The following JAK1 variants were observed in gnomAD, a reference collection of about 807,000 sequenced individuals.
The protein encoded by JAK1 is Janus kinase 1.
In JAK1, 16 loss-of-function variants were observed where a neutral mutation model predicts 136.6. The observed-to-expected ratio is 0.12, with a 90% confidence interval of 0.08 to 0.18. JAK1 has a LOEUF of 0.18. Among genes scored for constraint, JAK1 ranks in the 10% least tolerant of loss-of-function variants. The probability of loss-of-function intolerance (pLI) is 1.00; values close to 1 mark genes in which losing one functional copy is unlikely to be tolerated. For synonymous variants in JAK1, 492 were observed against 519.5 expected (o/e 0.95, Z 0.72); for missense variants, 859 against 1,450.1 (o/e 0.59, Z 6.62).
chr1:64,841,230 A>C lies in JAK1; in HGVS notation c.2649+15T>G. 1 of 1,586,004 alleles carries C rather than the reference A, an allele frequency of 6.3e-7. No individual in the cohort carries two copies. The highest frequency in any genetic ancestry group is 1.3e-5 in the African/African-American group (1 of 74,498). On this transcript the variant is annotated intron_variant, in intron 19 of 24. Coordinates refer to ENST00000342505, the MANE Select transcript of JAK1 (RefSeq NM_002227.4). ...GGCTCTGCCATCAGCAGCAAGCAGC[A>C]CGGGTGTAACTTACCTCTCCCAAGT...
intron 13 of JAK1, among the ~76,000 whole-genome samples, 192 bp downstream of exon 13, chr1:64,847,340 T>C (rs1655300134): frequency 6.6e-6 from 1 of 152,110 alleles, no homozygotes; most frequent in South Asian, 2.1e-4. Context: ...TGTGAGGAGC[T>C]GTTCAACCCA....
chr1:64,876,328 A>T (rs1644666855), intron 4 of JAK1: 1 of 152,256 alleles, frequency 6.6e-6, no homozygotes, highest in Admixed American at 6.5e-5. Context: ...CACAATCTTC[A>T]ATCTGGTCTG....
chr1:64,864,122 G>A (rs1334576726), intron 8 of JAK1, among the ~76,000 whole-genome samples: 4 of 152,186 alleles, frequency 2.6e-5, no homozygotes, highest in South Asian at 2.1e-4. Flanking sequence ...GCCACATTTT[G>A]GCAGAATGTG....
chr1:64,988,980 A>C (rs113657317), intron 2 of JAK1, among the ~76,000 whole-genome samples: 1 of 122,058 alleles, frequency 8.2e-6, no homozygotes, highest in African/African-American at 3.3e-5. Flanking sequence ...ATATATATGT[A>C]TATGTGTGTG....
In JAK1 at chr1:64,851,013, T is replaced by C. The variant is rs575345793; in HGVS notation, c.1649-103A>G. The C allele has an allele frequency of 4.4e-4, 329 of 751,334 alleles. 3 individuals carry two copies. The South Asian group carries it at 4.8e-3, about 11-fold the overall frequency. 46.5% of individuals were successfully genotyped at this position (751,334 alleles called of 1,614,324 possible). On this transcript the variant is annotated intron_variant, in intron 11 of 24. Coordinates refer to ENST00000342505, the MANE Select transcript of JAK1 (RefSeq NM_002227.4). ...GGCCGTGGGACCGGTGTGCGGGCGC[T>C]TGCTGCTTCAGTCATTCGACAAGTG... is the stretch of plus-strand genomic sequence containing the variant.
intron 2 of JAK1, among the ~76,000 whole-genome samples, chr1:65,036,267 T>TA (rs1647073326): frequency 6.6e-6 from 1 of 152,010 alleles, no homozygotes; most frequent in African/African-American, 2.4e-5. Flanking sequence ...ACCCCATCCC[T>TA]ACAAAAAAAG....
chr1:64,931,532 A>T (rs748630475), intron 1 of JAK1, among the ~76,000 whole-genome samples: 5 of 151,930 alleles, frequency 3.3e-5, no homozygotes, highest in Non-Finnish European at 7.4e-5. Context: ...GTGTCCTACC[A>T]TGGTGGCACA....
intron 2 of JAK1, among the ~76,000 whole-genome samples, chr1:65,034,537 T>A (rs1647052903): frequency 6.6e-6 from 1 of 152,196 alleles, no homozygotes; most frequent in East Asian, 1.9e-4. Context: ...CAAACATTAA[T>A]CTAGTTGTTA....
intron 2 of JAK1, among the ~76,000 whole-genome samples, chr1:65,003,084 G>A (rs991513864): frequency 2.0e-5 from 3 of 149,780 alleles, no homozygotes; most frequent in Non-Finnish European, 3.0e-5. Flanking sequence ...TCCCTACTAG[G>A]ACGCCCGCCT....
intron 2 of JAK1, among the ~76,000 whole-genome samples, chr1:64,983,892 G>C (rs568128687): frequency 6.6e-6 from 1 of 152,278 alleles, no homozygotes; most frequent in South Asian, 2.1e-4. Context: ...TTAAACTTAA[G>C]AGTTTCCACC....
chr1:64,973,299 G>A (rs1365976569), intron 2 of JAK1, among the ~76,000 whole-genome samples: 3 of 141,330 alleles, frequency 2.1e-5, no homozygotes, highest in South Asian at 4.9e-4. Flanking sequence ...GGGCGAGAAA[G>A]AAAGAGAGAG....
chr1:64,846,614 A>G, intron 14 of JAK1, 35 bp downstream of exon 14: 1 of 1,546,270 alleles, frequency 6.5e-7, no homozygotes, highest in Non-Finnish European at 8.9e-7. Flanking sequence ...CTCCCCAGCC[A>G]GGCCACCCAC....
At chr1:64,858,225 T>A (rs1391321417) in intron 9 of JAK1, among the ~76,000 whole-genome samples, 4 of 152,180 alleles carry the variant, frequency 2.6e-5, no homozygotes, top group African/African-American at 4.8e-5. Context: ...AGAGAATACA[T>A]CAGTGAGGAC....
At chr1:64,992,936 T>C (rs1184869212) in intron 2 of JAK1, 2 of 151,908 alleles carry the variant, frequency 1.3e-5, no homozygotes, top group Admixed American at 1.3e-4. Flanking sequence ...CCAGCCCTTA[T>C]GAGCTTATCC....
In JAK1 at chr1:64,901,079, C is replaced by T. The variant is rs571594563; in HGVS notation, c.-77-14738G>A. Among the ~76,000 whole-genome samples, 9 of 152,312 alleles carry T rather than the reference C, an allele frequency of 5.9e-5. No homozygotes were observed. The East Asian group carries it at 1.7e-3, about 29-fold the overall frequency. ...CTGTAGAATCATCTGTCTTCGCTGT[C>T]TTTGAGCACCCTGAGGGCAGGGACT... is the stretch of plus-strand genomic sequence containing the variant. On this transcript the variant is annotated intron_variant, in intron 1 of 24. Coordinates refer to ENST00000342505, the MANE Select transcript of JAK1 (RefSeq NM_002227.4).
intron 2 of JAK1, among the ~76,000 whole-genome samples, chr1:64,989,002 G>GTGTGTA (rs545656432): frequency 2.9e-4 from 37 of 129,210 alleles, no homozygotes; most frequent in African/African-American, 4.0e-4. Context: ...GTGTGTGTGT[G>GTGTGTA]TATATATATA....
At chr1:64,845,463 G>C (rs1247956605) in intron 15 of JAK1, 50 bp downstream of exon 15, 1 of 1,610,846 alleles carries the variant, frequency 6.2e-7, no homozygotes, top group South Asian at 1.1e-5. Flanking sequence ...ACCCCTCCCA[G>C]GACACTCTGG....
chr1:64,839,356 G>C, intron 20 of JAK1: 1 of 401,150 alleles, frequency 2.5e-6, no homozygotes, highest in Non-Finnish European at 4.4e-6. Flanking sequence ...AGGCATAAGT[G>C]CAAGTGACGT....
chr1:64,904,748 C>T (rs546151245), intron 1 of JAK1, among the ~76,000 whole-genome samples: 6 of 151,654 alleles, frequency 4.0e-5, no homozygotes, highest in African/African-American at 9.7e-5. Flanking sequence ...CACATATATA[C>T]ACACACACAC....
Sources: allele counts gnomAD v4.1 joint callset (sites outside exome capture counted in the v4.1 genomes callset), GRCh38; gene constraint gnomAD v4.1.1; transcripts MANE v1.5; gene names NCBI Gene and HGNC (gene_info 2026-07-23, HGNC 2026-07-21).